Variants in NCAM2 observed in about 807,000 individuals in gnomAD.
The protein encoded by NCAM2 is neural cell adhesion molecule 2.
A neutral mutation model predicts 98.1 loss-of-function variants in NCAM2; 30 were observed. The ratio of observed to expected loss-of-function variants is 0.31; its 90% CI spans 0.23 to 0.41. NCAM2 has a LOEUF of 0.41. Among genes scored for constraint, NCAM2 ranks in the 10% least tolerant of loss-of-function variants. The pLI is 1.00. For missense variants in NCAM2, 867 were observed against 1,005.8 expected, an observed-to-expected ratio of 0.86 and a Z score of 1.87; for synonymous variants, 368 against 342.4, an observed-to-expected ratio of 1.07 and a Z score of -0.83.
intron 1 of NCAM2, among the ~76,000 whole-genome samples, chr21:21,003,828 T>A (rs1231702558): frequency 6.6e-6 from 1 of 152,146 alleles, no homozygotes; most frequent in Non-Finnish European, 1.5e-5. Flanking sequence ...TTAGACAGCA[T>A]TACTAGGAAT....
intron 1 of NCAM2, among the ~76,000 whole-genome samples, chr21:21,217,434 C>A (rs1746184909): frequency 6.6e-6 from 1 of 152,070 alleles, no homozygotes; most frequent in Admixed American, 6.5e-5. Flanking sequence ...ATTTTTATTT[C>A]TCAGATTTAC....
At chr21:21,185,464 A>C (rs1011706597) in intron 1 of NCAM2, among the ~76,000 whole-genome samples, 2 of 152,106 alleles carry the variant, frequency 1.3e-5, no homozygotes, top group African/African-American at 4.8e-5. Context: ...TTCTAGAATT[A>C]TTTCTACTTT....
In NCAM2 at chr21:21,331,517, C is replaced by CTCTCTCTCTCTA. The variant is rs1483062198; in HGVS notation, c.738-3987_738-3986insCTCTCTCTCTAT. On this transcript the variant is annotated intron_variant, in intron 6 of 17. Coordinates refer to ENST00000400546, the MANE Select transcript of NCAM2 (RefSeq NM_004540.5). Reference sequence around the variant, plus strand: ...TATATATACTCTATACTCTCTCTCTCTATATATATATATATATACTCTATA... The same window carrying CTCTCTCTCTCTA: ...TATATATACTCTATACTCTCTCTCTCTCTCTCTCTCTATATATATATATATATATACTCTATA... 3.7e-3 allele frequency among the ~76,000 whole-genome samples: 26 copies of CTCTCTCTCTCTA among 6,938 alleles called. 1 individual carries two copies. Among genetic ancestry groups the CTCTCTCTCTCTA allele is most frequent in the East Asian group, 0.011 (5 of 444 alleles). 4.6% of individuals were successfully genotyped at this position (6,938 alleles called of 152,430 possible). A position where few individuals can be genotyped will look rare whatever the true frequency, so the allele number is the denominator to read the frequency against.
intron 1 of NCAM2, among the ~76,000 whole-genome samples, chr21:21,039,255 GT>G (rs1488636631): frequency 6.6e-6 from 1 of 152,048 alleles, no homozygotes; most frequent in African/African-American, 2.4e-5. Flanking sequence ...ATGAGATCAA[GT>G]TTTTAATCTT....
At chr21:21,382,886 TTCTG>T (rs146060187) in intron 9 of NCAM2, among the ~76,000 whole-genome samples, 5,203 of 152,096 alleles carry the variant, frequency 0.034, 124 homozygotes, top group Middle Eastern at 0.061. Flanking sequence ...ATTTTATTCT[TTCTG>T]TCTTTTTACT....
At chr21:21,073,554 A>G (rs547615460) in intron 1 of NCAM2, among the ~76,000 whole-genome samples, 4 of 152,338 alleles carry the variant, frequency 2.6e-5, no homozygotes, top group African/African-American at 7.2e-5. Context: ...CATTCAGTGC[A>G]TCCTGCAAAA....
chr21:21,035,354 T>C (rs2064775016), intron 1 of NCAM2, among the ~76,000 whole-genome samples: 1 of 152,168 alleles, frequency 6.6e-6, no homozygotes, highest in Non-Finnish European at 1.5e-5. Flanking sequence ...TACTCATGGA[T>C]AGTTATTGAA....
chr21:21,476,798 A>G (rs958288050), intron 14 of NCAM2, among the ~76,000 whole-genome samples: 1 of 152,012 alleles, frequency 6.6e-6, no homozygotes, highest in Non-Finnish European at 1.5e-5. Flanking sequence ...GTAGTAAAAA[A>G]TACCAGTGAT....
intron 16 of NCAM2, among the ~76,000 whole-genome samples, chr21:21,512,249 T>A (rs1264632303): frequency 6.6e-6 from 1 of 152,048 alleles, no homozygotes; most frequent in African/African-American, 2.4e-5. Context: ...GTCATTATTC[T>A]GTTTTGATTT....
intron 5 of NCAM2, among the ~76,000 whole-genome samples, chr21:21,296,960 T>C (rs1428122364): frequency 6.6e-6 from 1 of 151,730 alleles, no homozygotes; most frequent in African/African-American, 2.4e-5. Flanking sequence ...TTATGTTCTC[T>C]GTGTTAAATT....
At chr21:21,064,881 A>T (rs1418754845) in intron 1 of NCAM2, among the ~76,000 whole-genome samples, 1 of 152,070 alleles carries the variant, frequency 6.6e-6, no homozygotes, top group Non-Finnish European at 1.5e-5. Context: ...TTCTAGGGTT[A>T]AAAGTCTCAC....
At chr21:21,191,428 A>G (rs2068819722) in intron 1 of NCAM2, among the ~76,000 whole-genome samples, 1 of 152,176 alleles carries the variant, frequency 6.6e-6, no homozygotes. Context: ...AAATTTTTAT[A>G]ATTATATAGT....
intron 5 of NCAM2, among the ~76,000 whole-genome samples, chr21:21,319,132 CA>C (rs1009222890): frequency 2.7e-5 from 4 of 150,014 alleles, no homozygotes; most frequent in South Asian, 2.1e-4. Context: ...GAAAAACAAA[CA>C]AAAAAAAATG....
intron 12 of NCAM2, among the ~76,000 whole-genome samples, chr21:21,441,707 G>T (rs1979298920): frequency 6.6e-6 from 1 of 152,102 alleles, no homozygotes; most frequent in South Asian, 2.1e-4. Context: ...TGATTTTTCA[G>T]CAGAGACTGG....
intron 12 of NCAM2, among the ~76,000 whole-genome samples, chr21:21,463,395 G>T (rs1286807358): frequency 2.0e-5 from 3 of 152,040 alleles, no homozygotes; most frequent in Non-Finnish European, 4.4e-5. Context: ...ATCAAAACCT[G>T]CATTCACGAA....
chr21:21,133,783 A>G (rs1195927815), intron 1 of NCAM2, among the ~76,000 whole-genome samples: 1 of 152,170 alleles, frequency 6.6e-6, no homozygotes, highest in East Asian at 1.9e-4. Context: ...TTAAAAAGGT[A>G]TTAACTTACC....
At position 21,015,876 on chromosome 21, in the gene NCAM2, T is replaced by C. The variant is rs189723422; in HGVS notation, c.55+17258T>C. ...CTGCCACCATGCCTGGCTAATTTTT[T>C]TTTTGTATTTTTAGTAGAGACAGGG... On this transcript the variant is annotated intron_variant, in intron 1 of 17. Transcript: ENST00000400546. 4.7e-3 allele frequency among the ~76,000 whole-genome samples: 710 copies of C among 152,130 alleles called. 10 individuals carry two copies. The highest frequency in any genetic ancestry group is 0.017 in the African/African-American group (699 of 41,516).
At chr21:21,343,689 C>A (rs2075109985) in intron 8 of NCAM2, among the ~76,000 whole-genome samples, 1 of 152,156 alleles carries the variant, frequency 6.6e-6, no homozygotes, top group African/African-American at 2.4e-5. Context: ...TAAACCAGCC[C>A]TAGCCAGAAA....
rs367828839 is a variant in NCAM2 at position 21,098,686 on chromosome 21, A to T, written c.55+100068A>T. Among the ~76,000 whole-genome samples, 225 of 151,994 alleles carry T rather than the reference A, an allele frequency of 1.5e-3. 11 individuals carry two copies. In the South Asian group the frequency reaches 0.045, roughly 30 times the overall value. ...TTCTAAAGCTGAAGTATTTTCTAAG[A>T]TGTGCGTGGCAATGTGAAGGCCTGT... On this transcript the variant is annotated intron_variant, in intron 1 of 17. Coordinates refer to ENST00000400546, the MANE Select transcript of NCAM2 (RefSeq NM_004540.5).
Sources: gnomAD v4.1 joint callset for allele counts (sites outside exome capture counted in the v4.1 genomes callset) on GRCh38, gnomAD v4.1.1 for gene constraint, MANE v1.5 for transcripts, NCBI Gene and HGNC (gene_info 2026-07-23, HGNC 2026-07-21) for gene names.